CDH13: variants seen among roughly 807,000 people sequenced by gnomAD.
CDH13 encodes cadherin 13.
A neutral mutation model predicts 63.8 loss-of-function variants in CDH13; 24 were observed. The ratio of observed to expected loss-of-function variants is 0.38; its 90% CI spans 0.27 to 0.53. CDH13 has a LOEUF of 0.53. Among genes scored for constraint, CDH13 ranks in the 20% least tolerant of loss-of-function variants. CDH13 has a pLI of 0.85. For missense variants in CDH13, 1,049 were observed against 903.1 expected (o/e 1.16, Z -2.07); for synonymous variants, 503 against 355.3 (o/e 1.42, Z -4.67).
chr16:83,484,636 G>A (rs374806082), intron 6 of CDH13, among the ~76,000 whole-genome samples: 26 of 152,262 alleles, frequency 1.7e-4, no homozygotes, highest in African/African-American at 5.3e-4. Context: ...CATCTTTCCC[G>A]ATGACCATGC....
chr16:83,751,352 T>C (rs1324719704), intron 11 of CDH13, among the ~76,000 whole-genome samples: 1 of 152,156 alleles, frequency 6.6e-6, no homozygotes, highest in African/African-American at 2.4e-5. Context: ...GTCAGCACTT[T>C]GGGAGGCTGA....
Position 83,391,639 on chromosome 16 carries a change from C to T in CDH13, c.781+46633C>T, listed in dbSNP as rs928710188. ...CCCTGGAAAACATAATGAAGTGGTC[C>T]CGCCAGAGTATCCTCACACAGGGTC... On this transcript the variant is annotated intron_variant, in intron 6 of 13. Transcript: ENST00000567109. Among the ~76,000 whole-genome samples, 4 of 152,252 alleles carry T rather than the reference C, an allele frequency of 2.6e-5. 1 individual carries two copies. In the South Asian group the frequency reaches 8.3e-4, roughly 32 times the overall value.
At chr16:82,907,846 G>A (rs8054803) in intron 2 of CDH13, among the ~76,000 whole-genome samples, 4 of 152,160 alleles carry the variant, frequency 2.6e-5, no homozygotes, top group African/African-American at 4.8e-5. Flanking sequence ...TTTTGAGTAT[G>A]TTCCCCCCAA....
intron 10 of CDH13, among the ~76,000 whole-genome samples, chr16:83,733,780 C>T (rs1260584098): frequency 2.0e-5 from 3 of 152,246 alleles, no homozygotes; most frequent in South Asian, 2.1e-4. Flanking sequence ...GTTTGCTCTC[C>T]CAGTGAGCGT....
intron 6 of CDH13, among the ~76,000 whole-genome samples, chr16:83,358,857 C>A (rs374612400): frequency 1.2e-4 from 19 of 152,150 alleles, no homozygotes; most frequent in African/African-American, 2.2e-4. Context: ...TTAAAAAAAA[C>A]CCCACTGCCT....
chr16:82,921,265 C>T (rs745939038), intron 2 of CDH13, among the ~76,000 whole-genome samples: 1 of 152,162 alleles, frequency 6.6e-6, no homozygotes, highest in Admixed American at 6.5e-5. Context: ...GGCAGAGCTA[C>T]ACTCTCTCCA....
At chr16:82,775,099 A>T (rs1424544041) in intron 1 of CDH13, among the ~76,000 whole-genome samples, 1 of 152,178 alleles carries the variant, frequency 6.6e-6, no homozygotes, top group Admixed American at 6.5e-5. Flanking sequence ...TCTACCACTC[A>T]CTTGGGACTG....
chr16:83,243,523 A>G (rs1453063510), intron 5 of CDH13, among the ~76,000 whole-genome samples: 2 of 152,134 alleles, frequency 1.3e-5, no homozygotes, highest in African/African-American at 4.8e-5. Context: ...CTACATTTCA[A>G]GATGAGATTT....
intron 8 of CDH13, among the ~76,000 whole-genome samples, chr16:83,635,535 G>A (rs563383585): frequency 2.1e-4 from 32 of 151,518 alleles, no homozygotes; most frequent in South Asian, 1.0e-3. Context: ...GTAGAGATGC[G>A]GTTTCACCAT....
chr16:83,563,042 G>A (rs2075735230), intron 7 of CDH13, among the ~76,000 whole-genome samples: 1 of 152,162 alleles, frequency 6.6e-6, no homozygotes, highest in South Asian at 2.1e-4. Flanking sequence ...CATTGGATTA[G>A]CTGGTCTACA....
chr16:83,486,840 C>T (rs562639009), intron 7 of CDH13, among the ~76,000 whole-genome samples, 185 bp downstream of exon 7: 20 of 152,214 alleles, frequency 1.3e-4, no homozygotes, highest in African/African-American at 4.3e-4. Context: ...CAAGAAAACA[C>T]GTGCTCTAAA....
At chr16:83,432,006 G>A (rs1243889156) in intron 6 of CDH13, among the ~76,000 whole-genome samples, 1 of 152,156 alleles carries the variant, frequency 6.6e-6, no homozygotes, top group Non-Finnish European at 1.5e-5. Flanking sequence ...CTTTGTTGAG[G>A]GATAGACTGG....
At chr16:83,539,597 T>G (rs556589616) in intron 7 of CDH13, among the ~76,000 whole-genome samples, 1 of 152,332 alleles carries the variant, frequency 6.6e-6, no homozygotes, top group East Asian at 1.9e-4. Flanking sequence ...GGGCCATTTG[T>G]TGAAGTGTTG....
intron 3 of CDH13, among the ~76,000 whole-genome samples, chr16:83,081,334 C>T (rs186537216): frequency 7.9e-5 from 12 of 152,068 alleles, no homozygotes; most frequent in African/African-American, 2.9e-4. Flanking sequence ...CAGAGGCCTA[C>T]TAGTATACAG....
At chr16:83,166,981 G>A (rs1169905509) in intron 4 of CDH13, among the ~76,000 whole-genome samples, 3 of 152,104 alleles carry the variant, frequency 2.0e-5, no homozygotes, top group Non-Finnish European at 4.4e-5. Context: ...TTTTATATGT[G>A]AAAATGCCTC....
chr16:83,452,915 C>A (rs747402994), intron 6 of CDH13, among the ~76,000 whole-genome samples: 2 of 152,114 alleles, frequency 1.3e-5, no homozygotes, highest in Non-Finnish European at 2.9e-5. Flanking sequence ...TAGACTTAGA[C>A]CCACTGTAAG....
chr16:83,724,626 A>G (rs1910159512), intron 10 of CDH13, among the ~76,000 whole-genome samples: 1 of 152,158 alleles, frequency 6.6e-6, no homozygotes, highest in South Asian at 2.1e-4. Context: ...TCTTACTTGA[A>G]GCCCCCTGTG....
At chr16:83,149,737 G>A (rs28453843) in intron 4 of CDH13, among the ~76,000 whole-genome samples, 2,288 of 152,312 alleles carry the variant, frequency 0.015, 67 homozygotes, top group African/African-American at 0.052. Flanking sequence ...AGCATTGGAA[G>A]CACTGGGGTG....
intron 1 of CDH13, among the ~76,000 whole-genome samples, chr16:82,696,895 T>C (rs2030366775): frequency 6.6e-6 from 1 of 152,162 alleles, no homozygotes; most frequent in Admixed American, 6.5e-5. Context: ...GAAGATCTGC[T>C]TTCAAAGTGG....
Sources: gnomAD v4.1 joint callset for allele counts (sites outside exome capture counted in the v4.1 genomes callset) on GRCh38, gnomAD v4.1.1 for gene constraint, MANE v1.5 for transcripts, NCBI Gene and HGNC (gene_info 2026-07-23, HGNC 2026-07-21) for gene names.